NRG3: variants seen among roughly 807,000 people sequenced by gnomAD.
The protein encoded by NRG3 is pro-neuregulin-3, membrane-bound isoform.
NRG3 carries 31 observed loss-of-function variants against 66.9 expected under a neutral mutation model. The ratio of observed to expected loss-of-function variants is 0.46; its 90% CI spans 0.35 to 0.63. The LOEUF (loss-of-function observed/expected upper bound fraction) is 0.63, where lower values mean the gene tolerates loss of function less well. Among genes scored for constraint, NRG3 ranks in the 20% least tolerant of loss-of-function variants. NRG3 has a pLI of 0.00. For missense variants in NRG3, 910 were observed against 878.9 expected (o/e 1.04, Z -0.45); for synonymous variants, 393 against 359.4 (o/e 1.09, Z -1.06).
chr10:82,033,324 C>T (rs959441211), intron 1 of NRG3, among the ~76,000 whole-genome samples: 12 of 152,076 alleles, frequency 7.9e-5, no homozygotes, highest in Non-Finnish European at 1.8e-4. Context: ...ACACATTTTT[C>T]CCCTACAGTA....
At chr10:82,541,114 G>A (rs1327387860) in intron 2 of NRG3, among the ~76,000 whole-genome samples, 1 of 152,100 alleles carries the variant, frequency 6.6e-6, no homozygotes, top group Non-Finnish European at 1.5e-5. Flanking sequence ...TCAGATCCAT[G>A]AGCAAATAAA....
chr10:82,465,950 C>T (rs990279206), intron 2 of NRG3, among the ~76,000 whole-genome samples: 3 of 152,094 alleles, frequency 2.0e-5, no homozygotes, highest in Non-Finnish European at 4.4e-5. Context: ...TGGATCTATC[C>T]AGCTTCTTTA....
chr10:82,867,263 G>A (rs754665273), intron 4 of NRG3, among the ~76,000 whole-genome samples: 5 of 152,208 alleles, frequency 3.3e-5, no homozygotes, highest in African/African-American at 1.2e-4. Flanking sequence ...TCAATATTAC[G>A]TAGGTTTCTT....
At chr10:82,917,626 CTTG>C (rs1387405007) in intron 4 of NRG3, among the ~76,000 whole-genome samples, 1 of 152,066 alleles carries the variant, frequency 6.6e-6, no homozygotes, top group Non-Finnish European at 1.5e-5. Context: ...CTTCATCTTC[CTTG>C]TTGGTGCTTG....
At chr10:82,199,825 CA>C (rs753246631) in intron 1 of NRG3, among the ~76,000 whole-genome samples, 25 of 149,860 alleles carry the variant, frequency 1.7e-4, no homozygotes, top group Non-Finnish European at 3.1e-4. Context: ...CTTTTTTTTT[CA>C]TACAGTTTAA....
chr10:82,105,286 C>G (rs774398512), intron 1 of NRG3, among the ~76,000 whole-genome samples: 1 of 152,120 alleles, frequency 6.6e-6, no homozygotes, highest in East Asian at 1.9e-4. Flanking sequence ...ATCTGACTGC[C>G]TCATTACCTG....
chr10:81,944,040 G>A (rs1228810666), intron 1 of NRG3, among the ~76,000 whole-genome samples: 1 of 152,202 alleles, frequency 6.6e-6, no homozygotes, highest in African/African-American at 2.4e-5. Context: ...GGAGAGGGAA[G>A]GAGAAGCTTC....
At chr10:82,040,157 T>C (rs2062966989) in intron 1 of NRG3, among the ~76,000 whole-genome samples, 1 of 152,106 alleles carries the variant, frequency 6.6e-6, no homozygotes, top group African/African-American at 2.4e-5. Flanking sequence ...TTCGTTTTAA[T>C]ACATTTTGAA....
chr10:82,379,127 T>A (rs970388957), intron 2 of NRG3, among the ~76,000 whole-genome samples: 1 of 152,080 alleles, frequency 6.6e-6, no homozygotes, highest in Admixed American at 6.6e-5. Context: ...CCCTGGGAGA[T>A]TGAACATGAA....
chr10:82,491,587 G>T (rs1843151024), intron 2 of NRG3, among the ~76,000 whole-genome samples: 1 of 151,958 alleles, frequency 6.6e-6, no homozygotes. Flanking sequence ...CTAATCTGAA[G>T]TATCTGAGGG....
chr10:82,644,158 A>G (rs2050778897), intron 2 of NRG3, among the ~76,000 whole-genome samples: 1 of 152,064 alleles, frequency 6.6e-6, no homozygotes, highest in African/African-American at 2.4e-5. Flanking sequence ...TAGGAACCTA[A>G]TGCTCCTTAT....
At chr10:82,327,285 G>T (rs556144734) in intron 1 of NRG3, among the ~76,000 whole-genome samples, 1 of 152,162 alleles carries the variant, frequency 6.6e-6, no homozygotes, top group Non-Finnish European at 1.5e-5. Context: ...AGGACCAGGT[G>T]GATGCTGTCA....
At chr10:82,458,835 C>T (rs1323389216) in intron 2 of NRG3, among the ~76,000 whole-genome samples, 1 of 152,170 alleles carries the variant, frequency 6.6e-6, no homozygotes, top group Admixed American at 6.5e-5. Flanking sequence ...TACTCACAGG[C>T]TCACCTGAGG....
At chr10:82,170,025 A>G (rs2072444320) in intron 1 of NRG3, among the ~76,000 whole-genome samples, 2 of 150,062 alleles carry the variant, frequency 1.3e-5, no homozygotes, top group Admixed American at 6.7e-5. Flanking sequence ...CCACTGATCT[A>G]TGGATATGAG....
intron 2 of NRG3, among the ~76,000 whole-genome samples, chr10:82,394,841 G>A (rs2086618274): frequency 6.6e-6 from 1 of 152,122 alleles, no homozygotes; most frequent in Non-Finnish European, 1.5e-5. Flanking sequence ...GCAACTGCCA[G>A]GTGTTACATT....
At chr10:81,926,928 T>C (rs1307072987) in intron 1 of NRG3, among the ~76,000 whole-genome samples, 2 of 152,162 alleles carry the variant, frequency 1.3e-5, no homozygotes, top group Non-Finnish European at 1.5e-5. Context: ...TTGTGACAAC[T>C]CAGTAAGATA....
chr10:82,872,258 T>C (rs921259517), intron 4 of NRG3, among the ~76,000 whole-genome samples: 1 of 152,168 alleles, frequency 6.6e-6, no homozygotes, highest in Non-Finnish European at 1.5e-5. Context: ...TGGATAAATG[T>C]CACTTGGTTG....
intron 2 of NRG3, among the ~76,000 whole-genome samples, chr10:82,686,159 T>A (rs2054493008): frequency 6.6e-6 from 1 of 150,390 alleles, no homozygotes; most frequent in African/African-American, 2.4e-5. Flanking sequence ...CTGTACAGAA[T>A]TGTATGTGCT....
At chr10:81,979,609 T>G (rs371593976) in intron 1 of NRG3, among the ~76,000 whole-genome samples, 1 of 152,168 alleles carries the variant, frequency 6.6e-6, no homozygotes, top group Non-Finnish European at 1.5e-5. Flanking sequence ...GTAATTTGAT[T>G]TATAATAAGA....
Sources: allele counts gnomAD v4.1 joint callset (sites outside exome capture counted in the v4.1 genomes callset), GRCh38; gene constraint gnomAD v4.1.1; transcripts MANE v1.5; gene names NCBI Gene and HGNC (gene_info 2026-07-23, HGNC 2026-07-21).